Variants in IFNL2 observed in about 807,000 individuals in gnomAD.
IFNL2 encodes the protein interferon lambda-2.
Under a neutral mutation model 18.7 loss-of-function variants are expected in IFNL2, and 17 were observed. The ratio of observed to expected loss-of-function variants is 0.91; its 90% CI spans 0.62 to 1.36. The LOEUF is 1.36. Among genes scored for constraint, IFNL2 ranks in the 40% most tolerant of loss-of-function variants. The pLI, the probability that IFNL2 is intolerant of heterozygous loss-of-function variation, is 0.00. For synonymous variants in IFNL2, 96 were observed against 113.4 expected, an observed-to-expected ratio of 0.85 and a Z score of 0.98; for missense variants, 225 against 257.3, an observed-to-expected ratio of 0.87 and a Z score of 0.86.
chr19:39,269,687 C>T (rs373935254), intron 4 of IFNL2, 50 bp downstream of exon 4: 56 of 1,610,162 alleles, frequency 3.5e-5, no homozygotes, highest in Non-Finnish European at 4.6e-5. Flanking sequence ...TGAGCAGCGT[C>T]CTTCCCCTTG....
chr19:39,269,448 T>C (rs766256279), intron 3 of IFNL2, 40 bp from the exon 4 acceptor site: 2 of 1,610,364 alleles, frequency 1.2e-6, no homozygotes, highest in South Asian at 2.2e-5. Context: ...CCTGTTCCCC[T>C]CACCTCCCCC....
At position 39,269,994 on chromosome 19, in the gene IFNL2, G is replaced by C. The variant is rs771117892; in HGVS notation, c.584G>C (p.Ser195Thr). ...ACGCGAGACCTGAATTGTGTTGCCA[G>C]TGGGGACCTGTGTGTCTGACCCTCC... is the stretch of plus-strand genomic sequence containing the variant. ...LLTRDLNCVA[S>T]GDLCV Residue 195 changes from serine to threonine, a missense_variant, in exon 6 of 6, where the codon AGT becomes ACT. Transcript: ENST00000331982. 1.3e-6 allele frequency: 2 copies of C among 1,599,838 alleles called. No homozygotes were observed. The highest frequency in any genetic ancestry group is 1.3e-5 in the African/African-American group (1 of 74,582).
At position 39,270,057 on chromosome 19, in the gene IFNL2, G is replaced by A. The variant is rs767311023; in HGVS notation, c.*44G>A. 3.2e-6 allele frequency: 5 copies of A among 1,546,998 alleles called. No individual in the cohort carries two copies. The Admixed American group carries it at 7.9e-5, about 24-fold the overall frequency. On this transcript the variant is annotated 3_prime_UTR_variant, in exon 6 of 6. Coordinates refer to ENST00000331982, the MANE Select transcript of IFNL2 (RefSeq NM_172138.2). ...AACCTGAGATTTTATTTATAAATTA[G>A]CCACTTGTCTTAATTTATTGCCACC... is the stretch of plus-strand genomic sequence containing the variant.
chr19:39,268,900 C>A (rs565459671), intron 2 of IFNL2, 42 bp downstream of exon 2: 172 of 1,590,246 alleles, frequency 1.1e-4, no homozygotes, highest in Non-Finnish European at 1.5e-4. Flanking sequence ...TAGCCTCCAC[C>A]CCCACTCCAA....
Position 39,269,257 on chromosome 19 carries a change from G to A in IFNL2, c.270+28G>A, listed in dbSNP as rs540902358. The A allele has an allele frequency of 3.1e-5, 49 of 1,593,340 alleles. No homozygotes were observed. In the Admixed American group the frequency reaches 3.9e-4, roughly 13 times the overall value. On this transcript the variant is annotated intron_variant, in intron 3 of 5. Coordinates refer to ENST00000331982, the MANE Select transcript of IFNL2 (RefSeq NM_172138.2). The stretch of plus-strand genomic sequence containing the variant: ...GAGAGGGGGAGTCAGGCCCACCCCT[G>A]CTCTCCCAGCCCCACTCACCTGGCT...
Position 39,270,162 on chromosome 19 carries a change from T to C in IFNL2, c.*149T>C. 1 of 921,086 alleles carries C rather than the reference T, an allele frequency of 1.1e-6. No individual in the cohort carries two copies. Among genetic ancestry groups the C allele is most frequent in the Non-Finnish European group, 1.6e-6 (1 of 613,624 alleles). The allele number at this position is 921,086 out of a possible 1,614,324, so 57.1% of individuals were successfully genotyped here. A position where few individuals can be genotyped will look rare whatever the true frequency, so the allele number is the denominator to read the frequency against. The stretch of plus-strand genomic sequence containing the variant: ...TTTATTTTTCTACTTTTTATAACCC[T>C]TGTTGAAATAAACAAAGGAAAAGAC... On this transcript the variant is annotated 3_prime_UTR_variant, in exon 6 of 6. Transcript: ENST00000331982.
rs2075030915 is a variant in IFNL2 at position 39,270,105 on chromosome 19, G to A, written c.*92G>A. On this transcript the variant is annotated 3_prime_UTR_variant, in exon 6 of 6. Coordinates refer to ENST00000331982, the MANE Select transcript of IFNL2 (RefSeq NM_172138.2). The stretch of plus-strand genomic sequence containing the variant: ...ACCCAGTCGCTATTTATGTATTTGT[G>A]TGTGTAAATCCAACTCACCTCCAGG... 1.4e-6 allele frequency: 2 copies of A among 1,397,122 alleles called. No homozygotes were observed. The highest frequency in any genetic ancestry group is 2.0e-6 in the Non-Finnish European group (2 of 1,015,006). The allele number at this position is 1,397,122 out of a possible 1,614,324, so 86.5% of individuals were successfully genotyped here. A position where few individuals can be genotyped will look rare whatever the true frequency, so the allele number is the denominator to read the frequency against.
chr19:39,269,694 C>T, intron 4 of IFNL2, 44 bp from the exon 5 acceptor site: 2 of 1,609,012 alleles, frequency 1.2e-6, no homozygotes, highest in Non-Finnish European at 1.7e-6. Flanking sequence ...CGTCCTTCCC[C>T]TTGCCAAGGC....
chr19:39,269,036 A>G (rs2056150365), intron 2 of IFNL2, 116 bp from the exon 3 acceptor site: 3 of 1,388,566 alleles, frequency 2.2e-6, no homozygotes, highest in Non-Finnish European at 3.0e-6. Flanking sequence ...AGGGTCCTCT[A>G]CCATCCTCCC....
In IFNL2 at chr19:39,270,096, T is replaced by C. The variant is rs550406753; in HGVS notation, c.*83T>C. On this transcript the variant is annotated 3_prime_UTR_variant, in exon 6 of 6. Coordinates refer to ENST00000331982, the MANE Select transcript of IFNL2 (RefSeq NM_172138.2). ...TTTATTGCCACCCAGTCGCTATTTATGTATTTGTGTGTGTAAATCCAACTC... is the reference window on the plus strand; with the variant it reads ...TTTATTGCCACCCAGTCGCTATTTACGTATTTGTGTGTGTAAATCCAACTC... The C allele has an allele frequency of 2.1e-6, 3 of 1,427,686 alleles. No homozygotes were observed. Among genetic ancestry groups the C allele is most frequent in the African/African-American group, 1.4e-5 (1 of 70,070 alleles). 88.4% of individuals were successfully genotyped at this position (1,427,686 alleles called of 1,614,324 possible).
chr19:39,269,337 C>T, intron 3 of IFNL2, 108 bp downstream of exon 3: 2 of 1,476,488 alleles, frequency 1.4e-6, no homozygotes, highest in Admixed American at 2.0e-5. Context: ...CTTCTCCTCA[C>T]ACCTGCTCTC....
intron 2 of IFNL2, 40 bp downstream of exon 2, chr19:39,268,898 A>C (rs1600465892): frequency 6.3e-7 from 1 of 1,588,880 alleles, no homozygotes; most frequent in Non-Finnish European, 8.6e-7. Context: ...ACTAGCCTCC[A>C]CCCCCACTCC....
chr19:39,268,608 C>T (rs2075023310), intron 1 of IFNL2, 30 bp downstream of exon 1: 1 of 1,613,658 alleles, frequency 6.2e-7, no homozygotes, highest in Admixed American at 1.7e-5. Context: ...CCGTGCTCAG[C>T]TCCTGCAGCC....
rs369655847 is a variant in IFNL2, at chr19:39,268,718, G to C, written c.52G>C (p.Ala18Pro). ...DCTPVLVLMA[A>P]VLTVTGAVPV... ...CACGCCAGTGCTGGTGCTGATGGCC[G>C]CAGTGCTGACCGTGACTGGAGCAGT... The change falls in exon 2 of 6, where the codon GCA becomes CCA. Residue 18 changes from alanine (A) to proline (P), a missense_variant. Transcript: ENST00000331982. 3 of 1,613,082 alleles carry C rather than the reference G, an allele frequency of 1.9e-6. No homozygotes were observed. The South Asian group carries it at 3.3e-5, about 18-fold the overall frequency.
Position 39,269,608 on chromosome 19 carries a change from C to T in IFNL2, c.391C>T (p.His131Tyr). 1 of 1,614,230 alleles carries T rather than the reference C, an allele frequency of 6.2e-7. No individual in the cohort carries two copies. Among genetic ancestry groups the T allele is most frequent in the Non-Finnish European group, 8.5e-7 (1 of 1,180,044 alleles). Residue 131 changes from histidine (H) to tyrosine (Y), a missense_variant, in exon 4 of 6, where the codon CAC becomes TAC. Physicochemically the swap from His to Tyr is moderately conservative, Grantham distance 83. Coordinates refer to ENST00000331982, the MANE Select transcript of IFNL2 (RefSeq NM_172138.2). ...DVLDQPLHTL[H>Y]HILSQFRACI... Reference sequence around the variant, plus strand: ...CTTGGACCAGCCCCTTCACACCCTGCACCATATCCTCTCCCAGTTCCGGGC... The same window carrying T: ...CTTGGACCAGCCCCTTCACACCCTGTACCATATCCTCTCCCAGTTCCGGGC...
At position 39,268,869 on chromosome 19, in the gene IFNL2, C is replaced by T. The variant is rs1311192831; in HGVS notation, c.192+11C>T. ...GCCAAAGATGCCTTAGTGAGTCTCCCCCTGCCCTCCTGCCATGGACTAGCC... is the reference window on the plus strand; with the variant it reads ...GCCAAAGATGCCTTAGTGAGTCTCCTCCTGCCCTCCTGCCATGGACTAGCC... On this transcript the variant is annotated intron_variant, in intron 2 of 5. Coordinates refer to ENST00000331982, the MANE Select transcript of IFNL2 (RefSeq NM_172138.2). The T allele has an allele frequency of 1.9e-6, 3 of 1,605,738 alleles. No homozygotes were observed. Among genetic ancestry groups the T allele is most frequent in the African/African-American group, 1.3e-5 (1 of 74,658 alleles).
At position 39,268,734 on chromosome 19, in the gene IFNL2, C is replaced by G. The variant is rs754931534; in HGVS notation, c.68C>G (p.Thr23Ser). 1.0e-4 allele frequency: 168 copies of G among 1,613,164 alleles called. 1 individual carries two copies. In the South Asian group the frequency reaches 1.7e-3, roughly 16 times the overall value. Residue 23 changes from threonine to serine, a missense_variant, in exon 2 of 6, where the codon ACT becomes AGT. By Grantham distance (58) the Thr-to-Ser change is moderately conservative. Coordinates refer to ENST00000331982, the MANE Select transcript of IFNL2 (RefSeq NM_172138.2). ...CTGATGGCCGCAGTGCTGACCGTGA[C>G]TGGAGCAGTTCCTGTCGCCAGGCTC... ...LVLMAAVLTV[T>S]GAVPVARLHG...
In IFNL2 at chr19:39,269,820, A is replaced by C. The variant is rs752389126; in HGVS notation, c.503A>C (p.Lys168Thr). ...WLYRLQEAPK[K>T]ESPGCLEASV... ...TACCGGCTCCAGGAGGCCCCAAAAA[A>C]GGTGAGTGACCCGGGAAGAGAGGGA... Residue 168 changes from lysine (K) to threonine (T), a missense_variant and splice_region_variant, in exon 5 of 6, where the codon AAG becomes ACG. By Grantham distance (78) the Lys-to-Thr change is moderately conservative. Transcript: ENST00000331982. 4 of 1,608,520 alleles carry C rather than the reference A, an allele frequency of 2.5e-6. No homozygotes were observed. The highest frequency in any genetic ancestry group is 1.1e-5 in the South Asian group (1 of 89,946).
chr19:39,269,283 C>T, intron 3 of IFNL2, 54 bp downstream of exon 3: 1 of 1,554,320 alleles, frequency 6.4e-7, no homozygotes, highest in Non-Finnish European at 8.8e-7. Flanking sequence ...TCACCTGGCT[C>T]TGTAGTGGCC....
Sources: gnomAD v4.1 joint callset for allele counts on GRCh38, gnomAD v4.1.1 for gene constraint, MANE v1.5 for transcripts, NCBI Gene and HGNC (gene_info 2026-07-23, HGNC 2026-07-21) for gene names.